Variants in PSPH observed in about 807,000 individuals in gnomAD.
PSPH encodes L-3-phosphoserine phosphatase.
A neutral mutation model predicts 23.4 loss-of-function variants in PSPH; 16 were observed. The ratio of observed to expected loss-of-function variants is 0.68; its 90% CI spans 0.46 to 1.04. The LOEUF is 1.04. Among genes scored for constraint, PSPH ranks in the 50% least tolerant of loss-of-function variants. The probability of loss-of-function intolerance (pLI) is 0.00; values close to 1 mark genes in which losing one functional copy is unlikely to be tolerated. For synonymous variants in PSPH, 68 were observed against 99.7 expected (o/e 0.68, Z 1.89); for missense variants, 223 against 273.7 (o/e 0.81, Z 1.31).
chr7:56,041,230 T>G (rs898329834), intron 1 of PSPH, among the ~76,000 whole-genome samples: 4 of 144,796 alleles, frequency 2.8e-5, no homozygotes, highest in African/African-American at 7.8e-5. Context: ...TTTTTTTTTT[T>G]GAGACAGAAT....
At chr7:56,013,092 T>C (rs1253469001) in intron 7 of PSPH, among the ~76,000 whole-genome samples, 1 of 141,164 alleles carries the variant, frequency 7.1e-6, no homozygotes, top group African/African-American at 2.6e-5. Flanking sequence ...TACACACATA[T>C]ATATACATAT....
intron 1 of PSPH, among the ~76,000 whole-genome samples, chr7:56,038,291 C>CA (rs34887035): frequency 0.034 from 4,276 of 127,126 alleles, 134 homozygotes; most frequent in African/African-American, 0.094. Context: ...ACAAAAAATA[C>CA]AAAAAAAAAA....
chr7:56,050,160 T>G (rs1211872953), intron 1 of PSPH, among the ~76,000 whole-genome samples: 2 of 152,184 alleles, frequency 1.3e-5, no homozygotes, highest in African/African-American at 4.8e-5. Flanking sequence ...GTTTTTGTGA[T>G]TCTCAAATAC....
intron 1 of PSPH, among the ~76,000 whole-genome samples, chr7:56,044,967 G>T (rs1486759372): frequency 4.6e-5 from 7 of 151,784 alleles, no homozygotes; most frequent in South Asian, 2.1e-4. Context: ...AGCTACTCGG[G>T]AGGCTGAGGC....
chr7:56,012,857 A>G (rs1788065446), intron 7 of PSPH, among the ~76,000 whole-genome samples: 1 of 149,636 alleles, frequency 6.7e-6, no homozygotes, highest in Non-Finnish European at 1.5e-5. Context: ...AGCCTCCCAA[A>G]GTGCTGGGAT....
At chr7:56,040,140 T>C (rs1400236558) in intron 1 of PSPH, among the ~76,000 whole-genome samples, 1 of 152,010 alleles carries the variant, frequency 6.6e-6, no homozygotes, top group African/African-American at 2.4e-5. Flanking sequence ...ATAAATGTCT[T>C]GAAAGAACAC....
chr7:56,037,922 A>T (rs375010351), intron 1 of PSPH, among the ~76,000 whole-genome samples: 1 of 151,550 alleles, frequency 6.6e-6, no homozygotes, highest in African/African-American at 2.4e-5. Flanking sequence ...CATGTTGGAT[A>T]GGCTGGTCTT....
intron 1 of PSPH, among the ~76,000 whole-genome samples, chr7:56,038,723 C>T (rs1278702781): frequency 1.3e-5 from 2 of 151,530 alleles, no homozygotes; most frequent in Non-Finnish European, 1.5e-5. Flanking sequence ...GCACACACCT[C>T]GAATCCCAGG....
chr7:56,045,896 A>AG (rs1182608068), intron 1 of PSPH, among the ~76,000 whole-genome samples: 1 of 151,348 alleles, frequency 6.6e-6, no homozygotes, highest in East Asian at 1.9e-4. Context: ...CAAAAAAAAA[A>AG]AAAAAAAAGA....
chr7:56,015,313 C>G, intron 6 of PSPH, 142 bp from the exon 7 acceptor site: 1 of 820,166 alleles, frequency 1.2e-6, no homozygotes, highest in Non-Finnish European at 2.1e-6. Flanking sequence ...GCCTGGAGCT[C>G]CACACCTGTT....
rs749619757 is a variant in PSPH at position 56,015,185 on chromosome 7, T to C, written c.422-14A>G. 9 of 1,613,384 alleles carry C rather than the reference T, an allele frequency of 5.6e-6. No individual in the cohort carries two copies. The South Asian group carries it at 6.6e-5, about 12-fold the overall frequency. The stretch of plus-strand genomic sequence containing the variant: ...CTGCATATTCACCTTAAAAGAGAAA[T>C]AAAAATAGGGTTAAAGACCCAGAGA... On this transcript the variant is annotated splice_polypyrimidine_tract_variant and intron_variant, in intron 6 of 7. Transcript: ENST00000275605.
chr7:56,019,525 T>C lies in PSPH; in HGVS notation c.275+75A>G. The C allele has an allele frequency of 1.9e-6, 3 of 1,583,892 alleles. No homozygotes were observed. In the South Asian group the frequency reaches 3.3e-5, roughly 18 times the overall value. On this transcript the variant is annotated intron_variant, in intron 5 of 7. Coordinates refer to ENST00000275605, the MANE Select transcript of PSPH (RefSeq NM_004577.4). ...CCACCCAGAGGGCACTCTAAAGGAA[T>C]AGTTAGATGCTCTTGGGAGGATGTG... is the stretch of plus-strand genomic sequence containing the variant.
intron 7 of PSPH, among the ~76,000 whole-genome samples, chr7:56,012,888 C>A (rs1180924695): frequency 3.3e-5 from 5 of 149,900 alleles, no homozygotes; most frequent in Admixed American, 3.3e-4. Context: ...AGCCACTGCG[C>A]CTGGCCACAC....
At chr7:56,047,852 GAGA>G (rs1584522176) in intron 1 of PSPH, among the ~76,000 whole-genome samples, 1 of 152,210 alleles carries the variant, frequency 6.6e-6, no homozygotes, top group East Asian at 1.9e-4. Context: ...ATTTTTAGTA[GAGA>G]CGGTGTTGCA....
chr7:56,035,133 G>C (rs1266308853), intron 1 of PSPH, among the ~76,000 whole-genome samples: 3 of 152,140 alleles, frequency 2.0e-5, no homozygotes, highest in Non-Finnish European at 4.4e-5. Flanking sequence ...CTGAGGTCAG[G>C]AGTTCGAGAC....
chr7:56,019,421 AGAGT>A (rs1789007847), intron 5 of PSPH, among the ~76,000 whole-genome samples, 175 bp downstream of exon 5: 1 of 140,296 alleles, frequency 7.1e-6, no homozygotes, highest in African/African-American at 2.8e-5. Context: ...CCTGAGTGAC[AGAGT>A]GAGACTTCAT....
At chr7:56,034,322 G>A (rs2116962763) in intron 1 of PSPH, 1 of 152,524 alleles carries the variant, frequency 6.6e-6, no homozygotes, top group Middle Eastern at 3.4e-3. Context: ...CAGAGGAAAA[G>A]AGCTCCCGGA....
intron 5 of PSPH, among the ~76,000 whole-genome samples, chr7:56,017,884 A>G (rs900683738): frequency 6.6e-6 from 1 of 151,892 alleles, no homozygotes; most frequent in African/African-American, 2.4e-5. Context: ...CACCACGCCC[A>G]GCTAACTTTT....
rs145823819 is a variant in PSPH at position 56,040,784 on chromosome 7, C to T, written c.-291-6678G>A. ...CATGGGAAGAGGCACATGCAGATCC[C>T]GGAAAACACCAGCAAAAACAGACTC... On this transcript the variant is annotated intron_variant, in intron 1 of 7. Transcript: ENST00000275605. Among the ~76,000 whole-genome samples, 85 of 152,032 alleles carry T rather than the reference C, an allele frequency of 5.6e-4. No homozygotes were observed. In the East Asian group the frequency reaches 0.014, roughly 25 times the overall value.
Sources: allele counts gnomAD v4.1 joint callset (sites outside exome capture counted in the v4.1 genomes callset), GRCh38; gene constraint gnomAD v4.1.1; transcripts MANE v1.5; gene names NCBI Gene and HGNC (gene_info 2026-07-23, HGNC 2026-07-21).